The following PCDH7 variants were observed in gnomAD, a reference collection of about 807,000 sequenced individuals.
The protein encoded by PCDH7 is protocadherin 7, also known as protocadherin-7.
Under a neutral mutation model 58.9 loss-of-function variants are expected in PCDH7, and 17 were observed. The ratio of observed to expected loss-of-function variants is 0.29; its 90% CI spans 0.20 to 0.43. PCDH7 has a LOEUF of 0.43. Ranked by LOEUF, PCDH7 falls within the 20% of genes least tolerant of loss-of-function variation. The pLI, the probability that PCDH7 is intolerant of heterozygous loss-of-function variation, is 1.00. For synonymous variants in PCDH7, 664 were observed against 616.4 expected (o/e 1.08, Z -1.14); for missense variants, 1,274 against 1,441.0 (o/e 0.88, Z 1.88).
At chr4:31,045,043 A>G (rs1756172016) in intron 3 of PCDH7, among the ~76,000 whole-genome samples, 1 of 152,022 alleles carries the variant, frequency 6.6e-6, no homozygotes, top group African/African-American at 2.4e-5. Context: ...ACGAATAACC[A>G]GTTAGATTTT....
intron 3 of PCDH7, among the ~76,000 whole-genome samples, chr4:31,068,303 T>TAA (rs113645985): frequency 7.7e-5 from 11 of 142,946 alleles, no homozygotes; most frequent in Non-Finnish European, 7.7e-5. Context: ...AAAACTGCTC[T>TAA]AAAAAAAAAA....
chr4:31,062,910 A>G (rs1325833025), intron 3 of PCDH7, among the ~76,000 whole-genome samples: 1 of 151,846 alleles, frequency 6.6e-6, no homozygotes, highest in Non-Finnish European at 1.5e-5. Context: ...TTTAGCATAA[A>G]TTTTGAGGCT....
At chr4:31,021,846 A>G (rs1754045279) in intron 3 of PCDH7, among the ~76,000 whole-genome samples, 1 of 152,188 alleles carries the variant, frequency 6.6e-6, no homozygotes, top group Admixed American at 6.5e-5. Context: ...AGTTGCTATG[A>G]CAGAAGAAAA....
chr4:30,944,394 TAA>T (rs1746429035), intron 2 of PCDH7, among the ~76,000 whole-genome samples: 1 of 152,164 alleles, frequency 6.6e-6, no homozygotes, highest in South Asian at 2.1e-4. Flanking sequence ...CTAATTATTT[TAA>T]AAGTGTTTTT....
At chr4:30,803,493 A>G (rs569853213) in intron 1 of PCDH7, among the ~76,000 whole-genome samples, 2 of 152,124 alleles carry the variant, frequency 1.3e-5, no homozygotes, top group South Asian at 2.1e-4. Flanking sequence ...GCAGGGGTGC[A>G]GTGGCATCAT....
At chr4:30,924,111 T>A (rs1163952720) in intron 2 of PCDH7, among the ~76,000 whole-genome samples, 1 of 152,166 alleles carries the variant, frequency 6.6e-6, no homozygotes, top group Non-Finnish European at 1.5e-5. Context: ...TTTCTTTAGG[T>A]CTATTGTATT....
intron 1 of PCDH7, among the ~76,000 whole-genome samples, chr4:30,740,775 G>A (rs564510675): frequency 2.0e-5 from 3 of 151,836 alleles, no homozygotes; most frequent in Non-Finnish European, 2.9e-5. Context: ...TTAGTTGTTC[G>A]TTATTAAATA....
At chr4:31,096,723 C>T (rs1714038013) in intron 3 of PCDH7, among the ~76,000 whole-genome samples, 1 of 152,144 alleles carries the variant, frequency 6.6e-6, no homozygotes, top group Admixed American at 6.5e-5. Flanking sequence ...CTGGGAACAC[C>T]TTGTTTGCTT....
chr4:30,781,799 G>A (rs1003112635), intron 1 of PCDH7, among the ~76,000 whole-genome samples: 1 of 151,770 alleles, frequency 6.6e-6, no homozygotes, highest in African/African-American at 2.4e-5. Flanking sequence ...TCCTCCCAAA[G>A]TGCTGGGATT....
exon 1 of PCDH7, chr4:30,724,004 T>G: frequency 6.2e-7 from 1 of 1,614,090 alleles, no homozygotes; most frequent in Non-Finnish European, 8.5e-7. Flanking sequence ...CACATCCCAC[T>G]CACCCAGGAT....
chr4:31,004,476 T>G (rs1241134804), intron 3 of PCDH7, among the ~76,000 whole-genome samples: 2 of 152,020 alleles, frequency 1.3e-5, no homozygotes, highest in South Asian at 4.2e-4. Flanking sequence ...TTGGGAGGCC[T>G]AAGCTGGCAG....
intron 1 of PCDH7, among the ~76,000 whole-genome samples, chr4:30,802,537 A>G (rs1168130440): frequency 6.6e-6 from 1 of 152,152 alleles, no homozygotes; most frequent in Non-Finnish European, 1.5e-5. Context: ...AGTGGAATCA[A>G]AAAGTCAGAT....
chr4:30,842,754 C>G (rs1731380327), intron 1 of PCDH7, among the ~76,000 whole-genome samples: 1 of 152,048 alleles, frequency 6.6e-6, no homozygotes, highest in Non-Finnish European at 1.5e-5. Flanking sequence ...AGCAGGGAAG[C>G]TACAAGATAA....
chr4:30,848,821 T>C (rs1192600916), intron 1 of PCDH7, among the ~76,000 whole-genome samples: 1 of 152,106 alleles, frequency 6.6e-6, no homozygotes, highest in Non-Finnish European at 1.5e-5. Context: ...ATGACCTAAG[T>C]ATGCAATTAA....
At chr4:31,097,822 T>A (rs1714351537) in intron 3 of PCDH7, among the ~76,000 whole-genome samples, 1 of 151,560 alleles carries the variant, frequency 6.6e-6, no homozygotes, top group South Asian at 2.1e-4. Context: ...TAACTCTAAT[T>A]AGGATCTACT....
chr4:31,069,888 G>A (rs1236493168), intron 3 of PCDH7, among the ~76,000 whole-genome samples: 5 of 151,824 alleles, frequency 3.3e-5, no homozygotes, highest in African/African-American at 1.2e-4. Context: ...TTCATTTGAT[G>A]GTTCTCTCAA....
At chr4:31,075,325 C>T (rs1758894978) in intron 3 of PCDH7, among the ~76,000 whole-genome samples, 1 of 151,964 alleles carries the variant, frequency 6.6e-6, no homozygotes. Flanking sequence ...GGAGAAACAA[C>T]CAGAGATTAA....
intron 1 of PCDH7, among the ~76,000 whole-genome samples, chr4:30,755,104 G>C (rs1719108828): frequency 6.6e-6 from 1 of 152,128 alleles, no homozygotes; most frequent in Admixed American, 6.5e-5. Flanking sequence ...AGGGCTAGCT[G>C]ACTCCAGAGC....
At position 30,721,981 on chromosome 4, in the gene PCDH7, G is replaced by C. The variant is rs1268574647; in HGVS notation, c.559G>C (p.Gly187Arg). 2.2e-6 allele frequency: 3 copies of C among 1,336,804 alleles called. No homozygotes were observed. The highest frequency in any genetic ancestry group is 2.9e-6 in the Non-Finnish European group (3 of 1,045,452). The allele number at this position is 1,336,804 out of a possible 1,614,324, so 82.8% of individuals were successfully genotyped here. A position where few individuals can be genotyped will look rare whatever the true frequency, so the allele number is the denominator to read the frequency against. Residue 187 changes from glycine to arginine, a missense_variant, in exon 1 of 2, where the codon GGA (glycine) becomes CGA (arginine). This residue lies in a region of PCDH7 where 331 missense variants were observed against 303.2 expected (regional missense o/e 1.09). Transcript: ENST00000361762. This position sits in a 1 kb window ranked among gnomAD's most constrained non-coding sequence, Gnocchi z 6.7. ...GCGCTACGAGCTGCTCCAGGAGCCC[G>C]GAGGCGGCGGCAGCGGCGGCGAGAG...
Sources: gnomAD v4.1 joint callset for allele counts (sites outside exome capture counted in the v4.1 genomes callset) on GRCh38, gnomAD v4.1.1 for gene constraint, gnomAD v4.1.1 regional missense constraint, Gnocchi (gnomAD v3.1) non-coding constraint, MANE v1.5 for transcripts, NCBI Gene and HGNC (gene_info 2026-07-23, HGNC 2026-07-21) for gene names.